The following CLSTN1 variants were observed in gnomAD, a reference collection of about 807,000 sequenced individuals.
CLSTN1 encodes calsyntenin-1.
Under a neutral mutation model 108.3 loss-of-function variants are expected in CLSTN1, and 28 were observed. The observed-to-expected ratio is 0.26, with a 90% CI of 0.19 to 0.35. The LOEUF (loss-of-function observed/expected upper bound fraction) is 0.35, where lower values mean the gene tolerates loss of function less well. Among genes scored for constraint, CLSTN1 ranks in the 10% least tolerant of loss-of-function variants. CLSTN1 has a pLI of 1.00. For missense variants in CLSTN1, 1,157 were observed against 1,302.6 expected (o/e 0.89, Z 1.72); for synonymous variants, 524 against 534.9 (o/e 0.98, Z 0.28).
chr1:9,765,073 T>C (rs1652260013), intron 2 of CLSTN1, among the ~76,000 whole-genome samples: 3 of 152,154 alleles, frequency 2.0e-5, no homozygotes, highest in Admixed American at 6.6e-5. Context: ...CATTTTTTTT[T>C]CAAATACCTT....
rs192448185 is a variant in CLSTN1 at position 9,761,767 on chromosome 1, C to T, written c.215-5257G>A. Among the ~76,000 whole-genome samples the T allele has an allele frequency of 1.1e-4, 17 of 152,226 alleles. No individual in the cohort carries two copies. In the East Asian group the frequency reaches 2.7e-3, roughly 24 times the overall value. ...ACACGTCTCCCAGCTCTCAGGGGAC[C>T]CTGCCCTTATATTGCAAATGTTTCC... is the stretch of plus-strand genomic sequence containing the variant. On this transcript the variant is annotated intron_variant, in intron 2 of 18. Transcript: ENST00000377298.
rs1029119802 is a variant in CLSTN1 at position 9,816,508 on chromosome 1, T to C, written c.91+7135A>G. Among the ~76,000 whole-genome samples the C allele has an allele frequency of 4.0e-5, 6 of 150,548 alleles. No individual in the cohort carries two copies. In the South Asian group the frequency reaches 1.0e-3, roughly 26 times the overall value. ...CCTTAAAAGGTTGAATTTTATGGTA[T>C]GTGAACTATACCTCAATAAAGCTGC... On this transcript the variant is annotated intron_variant, in intron 1 of 18. Transcript: ENST00000377298.
intron 2 of CLSTN1, 61 bp from the exon 3 acceptor site, chr1:9,756,571 C>A: frequency 6.9e-7 from 1 of 1,452,262 alleles, no homozygotes; most frequent in African/African-American, 1.4e-5. Flanking sequence ...ATGGAATACA[C>A]TAAGGAAAAA....
chr1:9,776,658 C>G (rs937229605), intron 1 of CLSTN1, among the ~76,000 whole-genome samples: 4 of 152,150 alleles, frequency 2.6e-5, no homozygotes, highest in Non-Finnish European at 2.9e-5. Flanking sequence ...AGGGAAGCTT[C>G]TACAACAATG....
chr1:9,820,799 AAAC>A (rs967768412), intron 1 of CLSTN1, among the ~76,000 whole-genome samples: 13 of 152,204 alleles, frequency 8.5e-5, no homozygotes, highest in Non-Finnish European at 1.9e-4. Context: ...TTCAATAAGT[AAAC>A]AACAAGGCAT....
At position 9,823,875 on chromosome 1, in the gene CLSTN1, G is replaced by C. The variant is rs1655292880; in HGVS notation, c.-142C>G. ...GGTCCAAGGAGGAGCCGCCGCCGCC[G>C]CCGCCGTGACGCTGGGCCGCGCGCT... On this transcript the variant is annotated 5_prime_UTR_variant, in exon 1 of 19. Coordinates refer to ENST00000377298, the MANE Select transcript of CLSTN1 (RefSeq NM_001009566.3). The surrounding 1 kb of genome is among the most constrained non-coding windows in gnomAD (Gnocchi z 6.3). 2 of 234,222 alleles carry C rather than the reference G, an allele frequency of 8.5e-6. No homozygotes were observed. Among genetic ancestry groups the C allele is most frequent in the East Asian group, 3.3e-4 (2 of 5,992 alleles). 14.5% of individuals were successfully genotyped at this position (234,222 alleles called of 1,614,324 possible). A position where few individuals can be genotyped will look rare whatever the true frequency, so the allele number is the denominator to read the frequency against.
chr1:9,749,677 A>G, intron 6 of CLSTN1, 31 bp from the exon 7 acceptor site: 1 of 1,611,630 alleles, frequency 6.2e-7, no homozygotes, highest in South Asian at 1.1e-5. Context: ...GCAGGGGAAG[A>G]GAGAAGGAAA....
Position 9,749,500 on chromosome 1 carries a change from G to C in CLSTN1, c.946C>G (p.Arg316Gly), listed in dbSNP as rs762365313. 1 of 1,613,886 alleles carries C rather than the reference G, an allele frequency of 6.2e-7. No individual in the cohort carries two copies. The highest frequency in any genetic ancestry group is 8.5e-7 in the Non-Finnish European group (1 of 1,179,956). Residue 316 changes from arginine to glycine, a missense_variant, in exon 7 of 19, where the codon CGA becomes GGA. Arg to Gly is a moderately radical substitution (Grantham distance 125, BLOSUM62 -2). Transcript: ENST00000377298. The stretch of plus-strand genomic sequence containing the variant: ...AGGGACTTCTCTGAGTAGGTGTCTC[G>C]GTCGCAGCCTTTCCCTATGTGGCTG... ...ETSHIGKGCD[R>G]DTYSEKSLHR...
rs901315810 is a variant in CLSTN1, at chr1:9,729,580, TCA to T, written c.*926_*927del. 4 of 152,618 alleles carry T rather than the reference TCA, an allele frequency of 2.6e-5. No homozygotes were observed. The highest frequency in any genetic ancestry group is 4.4e-5 in the Non-Finnish European group (3 of 68,126). The allele number at this position is 152,618 out of a possible 1,614,324, so 9.5% of individuals were successfully genotyped here. On this transcript the variant is annotated 3_prime_UTR_variant, in exon 19 of 19. Transcript: ENST00000377298. ...GGTCAGCCGGTCTGCAGGACACCTC[TCA>T]GTTTCTCCTTTTACCAGCAGGAAAA...
intron 1 of CLSTN1, among the ~76,000 whole-genome samples, chr1:9,817,139 G>A (rs1410282687): frequency 6.6e-6 from 1 of 152,164 alleles, no homozygotes; most frequent in Non-Finnish European, 1.5e-5. Flanking sequence ...GGATGAGGTG[G>A]GAGGACTGAT....
chr1:9,816,479 TATGCCTTAA>T (rs1179803785), intron 1 of CLSTN1, among the ~76,000 whole-genome samples: 1 of 151,680 alleles, frequency 6.6e-6, no homozygotes, highest in Admixed American at 6.6e-5. Flanking sequence ...CACTGAATTG[TATGCCTTAA>T]AAGGTTGAAT....
rs199865169 is a variant in CLSTN1, at chr1:9,777,526, AAAC to A, written c.92-4135_92-4133del. On this transcript the variant is annotated intron_variant, in intron 1 of 18. Transcript: ENST00000377298. ...CAACAGAGCGAGACTATGTCTCAAA[AAAC>A]AACGACGACAACAAAAAAGATAATT... 4.3e-3 allele frequency among the ~76,000 whole-genome samples: 650 copies of A among 152,342 alleles called. 12 individuals carry two copies. In the East Asian group the frequency reaches 0.043, roughly 10 times the overall value.
chr1:9,808,958 C>G (rs1354006034), intron 1 of CLSTN1, among the ~76,000 whole-genome samples: 1 of 151,980 alleles, frequency 6.6e-6, no homozygotes, highest in Non-Finnish European at 1.5e-5. Context: ...AAACCCTTTT[C>G]CCCTTCTCCT....
At position 9,730,594 on chromosome 1, in the gene CLSTN1, C is replaced by T. The variant is rs139391580; in HGVS notation, c.2860G>A (p.Glu954Lys). ...TCGCCCTGCTCCCCCTCCTCCTCCT[C>T]GCTGCTCTCCGACTCGGCGCTGGTG... ...DITSAESESS[E>K]EEEGEQGDPQ... Residue 954 changes from glutamate (E) to lysine (K), a missense_variant, in exon 19 of 19, where the codon GAG becomes AAG. Physicochemically the swap from Glu to Lys is moderately conservative, Grantham distance 56. Coordinates refer to ENST00000377298, the MANE Select transcript of CLSTN1 (RefSeq NM_001009566.3). This position sits in a 1 kb window ranked among gnomAD's most constrained non-coding sequence, Gnocchi z 5.6. The T allele has an allele frequency of 2.5e-6, 4 of 1,610,006 alleles. No individual in the cohort carries two copies. In the African/African-American group the frequency reaches 4.0e-5, roughly 16 times the overall value.
intron 9 of CLSTN1, among the ~76,000 whole-genome samples, chr1:9,741,859 C>T (rs996577198): frequency 3.4e-4 from 52 of 152,306 alleles, no homozygotes; most frequent in African/African-American, 1.3e-3. Context: ...TTGCGGTGAG[C>T]CGAGATTGTG....
intron 5 of CLSTN1, 55 bp from the exon 6 acceptor site, chr1:9,749,968 T>C: frequency 4.6e-6 from 7 of 1,522,830 alleles, no homozygotes; most frequent in Non-Finnish European, 6.3e-6. Flanking sequence ...GTTTTACTTT[T>C]GTTGTCCTAG....
At chr1:9,772,504 G>A (rs988544409) in intron 2 of CLSTN1, among the ~76,000 whole-genome samples, 1 of 152,020 alleles carries the variant, frequency 6.6e-6, no homozygotes, top group South Asian at 2.1e-4. Flanking sequence ...AAAAATATGC[G>A]AAAACAACTC....
chr1:9,764,178 T>C (rs1652215498), intron 2 of CLSTN1, among the ~76,000 whole-genome samples: 1 of 152,028 alleles, frequency 6.6e-6, no homozygotes, highest in Non-Finnish European at 1.5e-5. Context: ...CCACAGGCTC[T>C]TTTTAGCAAT....
chr1:9,773,244 C>T, intron 2 of CLSTN1, 28 bp downstream of exon 2: 1 of 1,613,088 alleles, frequency 6.2e-7, no homozygotes, highest in Non-Finnish European at 8.5e-7. Flanking sequence ...CCCGATTCAT[C>T]AAGAGTCAAT....
Sources: gnomAD v4.1 joint callset for allele counts (sites outside exome capture counted in the v4.1 genomes callset) on GRCh38, gnomAD v4.1.1 for gene constraint, Gnocchi (gnomAD v3.1) non-coding constraint, MANE v1.5 for transcripts, NCBI Gene and HGNC (gene_info 2026-07-23, HGNC 2026-07-21) for gene names.